The following DTNBP1 variants were observed in gnomAD, a reference collection of about 807,000 sequenced individuals.
DTNBP1 encodes the protein dystrobrevin binding protein 1.
In DTNBP1, 35 loss-of-function variants were observed where a neutral mutation model predicts 42.8. The ratio of observed to expected loss-of-function variants is 0.82; its 90% confidence interval spans 0.63 to 1.09. DTNBP1 has a LOEUF of 1.09. DTNBP1 is among the 50% of genes least tolerant of loss of function. The probability of loss-of-function intolerance (pLI) is 0.00; values close to 1 mark genes in which losing one functional copy is unlikely to be tolerated. For missense variants in DTNBP1, 457 were observed against 424.2 expected, an observed-to-expected ratio of 1.08 and a Z score of -0.68; for synonymous variants, 171 against 162.2, an observed-to-expected ratio of 1.05 and a Z score of -0.41.
intron 4 of DTNBP1, among the ~76,000 whole-genome samples, chr6:15,631,588 G>T (rs1379113968): frequency 6.6e-6 from 1 of 152,124 alleles, no homozygotes; most frequent in African/African-American, 2.4e-5. Context: ...ATGGACTTCG[G>T]AACTGTCCAA....
chr6:15,542,724 C>T (rs1441969511), intron 7 of DTNBP1, among the ~76,000 whole-genome samples: 1 of 151,870 alleles, frequency 6.6e-6, no homozygotes, highest in African/African-American at 2.4e-5. Context: ...CAGAGTCTCA[C>T]TCTATTGCCC....
intron 4 of DTNBP1, among the ~76,000 whole-genome samples, chr6:15,630,646 G>A (rs1421102275): frequency 3.3e-5 from 5 of 152,200 alleles, no homozygotes; most frequent in South Asian, 2.1e-4. Context: ...GGCTGGGTGC[G>A]GTGGCTCACG....
intron 7 of DTNBP1, chr6:15,545,957 T>TC (rs1227110812): frequency 5.0e-6 from 2 of 400,008 alleles, no homozygotes; most frequent in Non-Finnish European, 9.8e-6. Flanking sequence ...GGCAGGCGGG[T>TC]CTCAGCACAC....
intron 7 of DTNBP1, chr6:15,579,734 G>C (rs1399131219): frequency 3.9e-5 from 14 of 357,666 alleles, no homozygotes; most frequent in Non-Finnish European, 7.5e-5. Context: ...GAACCTGGGA[G>C]GCGGAGGTTG....
chr6:15,616,806 C>T (rs964781741), intron 5 of DTNBP1, among the ~76,000 whole-genome samples: 1 of 152,036 alleles, frequency 6.6e-6, no homozygotes, highest in Non-Finnish European at 1.5e-5. Context: ...TAAAGACATC[C>T]AAATAGGAAA....
intron 7 of DTNBP1, among the ~76,000 whole-genome samples, chr6:15,572,344 T>C (rs1025311750): frequency 6.6e-6 from 1 of 152,218 alleles, no homozygotes; most frequent in African/African-American, 2.4e-5. Context: ...CTTCCTTTCA[T>C]GGTTGTAGCA....
chr6:15,547,191 C>T (rs981617191), intron 7 of DTNBP1, among the ~76,000 whole-genome samples: 7 of 152,150 alleles, frequency 4.6e-5, no homozygotes, highest in African/African-American at 1.7e-4. Flanking sequence ...TATAAACCAA[C>T]TGCCAGCGTC....
chr6:15,529,598 A>G (rs1040970092), intron 8 of DTNBP1, among the ~76,000 whole-genome samples: 18 of 152,188 alleles, frequency 1.2e-4, no homozygotes, highest in African/African-American at 3.9e-4. Flanking sequence ...AAGCAGGGAC[A>G]CCCCTGGCTC....
At chr6:15,552,614 C>A (rs540178600) in intron 7 of DTNBP1, among the ~76,000 whole-genome samples, 1 of 152,092 alleles carries the variant, frequency 6.6e-6, no homozygotes, top group Non-Finnish European at 1.5e-5. Flanking sequence ...ATAGTGAGAC[C>A]TCCTTTCTCT....
At chr6:15,576,497 TG>T (rs1775579278) in intron 7 of DTNBP1, among the ~76,000 whole-genome samples, 1 of 151,192 alleles carries the variant, frequency 6.6e-6, no homozygotes, top group South Asian at 2.1e-4. Context: ...TATTTTAGGC[TG>T]GTAGCAGTGG....
At chr6:15,610,135 T>C (rs545063892) in intron 6 of DTNBP1, among the ~76,000 whole-genome samples, 1 of 152,316 alleles carries the variant, frequency 6.6e-6, no homozygotes, top group African/African-American at 2.4e-5. Flanking sequence ...CCACATTGCC[T>C]GATGAGCTAG....
rs1401925661 is a variant in DTNBP1 at position 15,523,286 on chromosome 6, C to G, written c.812-67G>C. The G allele has an allele frequency of 5.6e-6, 9 of 1,598,096 alleles. No individual in the cohort carries two copies. In the Admixed American group the frequency reaches 1.2e-4, roughly 21 times the overall value. ...TATTGTGAATCAGAATTGCCGCCAACAGCTGTGGAATGTGCCCGTCATGAA... is the reference window on the plus strand; with the variant it reads ...TATTGTGAATCAGAATTGCCGCCAAGAGCTGTGGAATGTGCCCGTCATGAA... On this transcript the variant is annotated intron_variant, in intron 9 of 9. Coordinates refer to ENST00000344537, the MANE Select transcript of DTNBP1 (RefSeq NM_032122.5).
intron 4 of DTNBP1, among the ~76,000 whole-genome samples, chr6:15,629,089 A>AAC (rs1309675031): frequency 6.6e-6 from 1 of 152,232 alleles, no homozygotes; most frequent in East Asian, 1.9e-4. Flanking sequence ...AGTAGCTTAA[A>AAC]ACATACTGAA....
chr6:15,523,223 C>G lies in DTNBP1; in HGVS notation c.812-4G>C. The G allele has an allele frequency of 1.2e-6, 2 of 1,613,988 alleles. No homozygotes were observed. Among genetic ancestry groups the G allele is most frequent in the Non-Finnish European group, 1.7e-6 (2 of 1,179,968 alleles). ...TGACAGGTACTGGATTCAGGCCCTGCAAAATAACGTAGGGAAGAAAAAGCC... is the reference window on the plus strand; with the variant it reads ...TGACAGGTACTGGATTCAGGCCCTGGAAAATAACGTAGGGAAGAAAAAGCC... On this transcript the variant is annotated splice_polypyrimidine_tract_variant and splice_region_variant and intron_variant, in intron 9 of 9. Coordinates refer to ENST00000344537, the MANE Select transcript of DTNBP1 (RefSeq NM_032122.5).
chr6:15,655,717 CTTGA>C (rs996112170), intron 1 of DTNBP1, among the ~76,000 whole-genome samples: 6 of 150,248 alleles, frequency 4.0e-5, no homozygotes, highest in East Asian at 1.9e-4. Context: ...GCTAAACTTT[CTTGA>C]TTGTTTCCAA....
chr6:15,549,897 A>C (rs1774114424), intron 7 of DTNBP1, among the ~76,000 whole-genome samples: 1 of 152,196 alleles, frequency 6.6e-6, no homozygotes, highest in African/African-American at 2.4e-5. Context: ...AAGCTACAGC[A>C]AGGAATCACT....
At chr6:15,617,043 C>T (rs1324634496) in intron 5 of DTNBP1, among the ~76,000 whole-genome samples, 1 of 152,012 alleles carries the variant, frequency 6.6e-6, no homozygotes, top group East Asian at 1.9e-4. Context: ...CAAAATATTA[C>T]AATACTTAAG....
chr6:15,627,322 C>T (rs16876738), intron 5 of DTNBP1, 21 bp downstream of exon 5: 14 of 1,611,152 alleles, frequency 8.7e-6, no homozygotes, highest in Non-Finnish European at 1.2e-5. Context: ...AAGTAATGTA[C>T]AATGAAAACA....
At chr6:15,562,090 T>C (rs1177119153) in intron 7 of DTNBP1, among the ~76,000 whole-genome samples, 4 of 152,206 alleles carry the variant, frequency 2.6e-5, no homozygotes, top group Non-Finnish European at 5.9e-5. Context: ...TTGTTTAGCA[T>C]ATGATCAAGA....
Sources: gnomAD v4.1 joint callset for allele counts (sites outside exome capture counted in the v4.1 genomes callset) on GRCh38, gnomAD v4.1.1 for gene constraint, MANE v1.5 for transcripts, NCBI Gene and HGNC (gene_info 2026-07-23, HGNC 2026-07-21) for gene names.